The following CCNY variants were observed in gnomAD, a reference collection of about 807,000 sequenced individuals.
CCNY encodes the protein cyclin Y, also known as cyclin-Y.
A neutral mutation model predicts 42.8 loss-of-function variants in CCNY; 19 were observed. The observed-to-expected ratio is 0.44, with a 90% CI of 0.31 to 0.65. CCNY has a LOEUF of 0.65. Among genes scored for constraint, CCNY ranks in the 30% least tolerant of loss-of-function variants. CCNY has a pLI of 0.07. For missense variants in CCNY, 370 were observed against 437.3 expected (o/e 0.85, Z 1.37); for synonymous variants, 165 against 162.7 (o/e 1.01, Z -0.11).
intron 8 of CCNY, among the ~76,000 whole-genome samples, chr10:35,555,603 C>T (rs1201143184): frequency 2.6e-5 from 4 of 152,182 alleles, no homozygotes; most frequent in Non-Finnish European, 5.9e-5. Flanking sequence ...CAGATGGAAA[C>T]GAGGCCCTGA....
intron 1 of CCNY, among the ~76,000 whole-genome samples, chr10:35,338,149 T>C (rs1273643382): frequency 6.6e-6 from 1 of 152,200 alleles, no homozygotes; most frequent in Admixed American, 6.5e-5. Flanking sequence ...ATAGTTAATC[T>C]GGTTGAACTA....
At chr10:35,532,370 A>T (rs574576294) in intron 7 of CCNY, among the ~76,000 whole-genome samples, 2 of 152,210 alleles carry the variant, frequency 1.3e-5, no homozygotes, top group Non-Finnish European at 2.9e-5. Context: ...TCAGCAGGCA[A>T]TGGAGGAGGA....
intron 1 of CCNY, among the ~76,000 whole-genome samples, chr10:35,448,036 C>T (rs1355913188): frequency 6.6e-6 from 1 of 152,188 alleles, no homozygotes; most frequent in Non-Finnish European, 1.5e-5. Flanking sequence ...TCAGCTGGCA[C>T]CAGGTCACTG....
intron 1 of CCNY, among the ~76,000 whole-genome samples, chr10:35,418,665 C>G (rs1414767196): frequency 6.6e-6 from 1 of 151,854 alleles, no homozygotes; most frequent in Non-Finnish European, 1.5e-5. Context: ...ATGTGGGGGA[C>G]AGTGGAGGTA....
At chr10:35,442,847 G>A (rs1214561154) in intron 1 of CCNY, among the ~76,000 whole-genome samples, 2 of 152,152 alleles carry the variant, frequency 1.3e-5, no homozygotes, top group Admixed American at 6.5e-5. Flanking sequence ...AAGTGATTTC[G>A]TCATTGTGTG....
chr10:35,543,517 C>T (rs1380355366), intron 7 of CCNY, among the ~76,000 whole-genome samples: 1 of 152,082 alleles, frequency 6.6e-6, no homozygotes, highest in Admixed American at 6.5e-5. Context: ...AACATCCTAG[C>T]GTATCCTAGG....
At chr10:35,335,644 G>C (rs918526339), upstream of CCNY, among the ~76,000 whole-genome samples, 4 of 152,040 alleles carry the variant, frequency 2.6e-5, no homozygotes, top group African/African-American at 7.2e-5. Flanking sequence ...CTTGAAGACA[G>C]GAGTTCGATA....
At chr10:35,269,266 T>G (rs886567658) in intron 3 of CCNY, among the ~76,000 whole-genome samples, 3 of 131,062 alleles carry the variant, frequency 2.3e-5, no homozygotes, top group Non-Finnish European at 4.8e-5. Flanking sequence ...TGCCAAATAA[T>G]CTACTTCCTT....
intron 3 of CCNY, among the ~76,000 whole-genome samples, chr10:35,291,025 G>T (rs189380176): frequency 6.1e-5 from 9 of 148,018 alleles, no homozygotes; most frequent in Admixed American, 5.4e-4. Flanking sequence ...TTTTTTTTTA[G>T]ATGGAATTTT....
intron 1 of CCNY, among the ~76,000 whole-genome samples, chr10:35,371,212 A>C (rs779759631): frequency 1.3e-5 from 2 of 152,164 alleles, no homozygotes; most frequent in Non-Finnish European, 2.9e-5. Context: ...TACAGAAGCA[A>C]CGTGATACCT....
At chr10:35,501,391 G>A in intron 2 of CCNY, 110 bp from the exon 3 acceptor site, 2 of 834,768 alleles carry the variant, frequency 2.4e-6, no homozygotes, top group Admixed American at 3.5e-5. Context: ...AAGTGGGTAT[G>A]TTGGTTGGTG....
intron 1 of CCNY, among the ~76,000 whole-genome samples, chr10:35,470,629 A>G (rs1839373926): frequency 6.6e-6 from 1 of 152,206 alleles, no homozygotes. Context: ...AGTAGAAAAG[A>G]TGGCTTTAGG....
At chr10:35,329,332 A>G (rs1835914678) in intron 3 of CCNY, among the ~76,000 whole-genome samples, 1 of 152,208 alleles carries the variant, frequency 6.6e-6, no homozygotes, top group Non-Finnish European at 1.5e-5. Flanking sequence ...TGGGTGGATC[A>G]CAAGGTCAGG....
chr10:35,415,464 A>T (rs1354877346), intron 1 of CCNY, among the ~76,000 whole-genome samples: 2 of 151,012 alleles, frequency 1.3e-5, no homozygotes, highest in African/African-American at 4.9e-5. Flanking sequence ...GAAGATGGAA[A>T]CTCTTTCCTG....
intron 3 of CCNY, among the ~76,000 whole-genome samples, chr10:35,502,862 C>G (rs1840138483): frequency 6.6e-6 from 1 of 152,070 alleles, no homozygotes; most frequent in Admixed American, 6.5e-5. Context: ...TGAATGCTTT[C>G]CCACTCATTA....
At chr10:35,312,196 T>C (rs1017991471) in intron 3 of CCNY, among the ~76,000 whole-genome samples, 1 of 151,680 alleles carries the variant, frequency 6.6e-6, no homozygotes, top group Non-Finnish European at 1.5e-5. Context: ...GCTAACACGG[T>C]GAAACCCTGT....
At chr10:35,518,476 G>A (rs1264674432) in intron 4 of CCNY, among the ~76,000 whole-genome samples, 1 of 150,720 alleles carries the variant, frequency 6.6e-6, no homozygotes, top group East Asian at 2.0e-4. Flanking sequence ...ATCTGGCTGA[G>A]GCATACTGTG....
At chr10:35,427,195 A>C (rs1268575910) in intron 1 of CCNY, among the ~76,000 whole-genome samples, 1 of 152,202 alleles carries the variant, frequency 6.6e-6, no homozygotes, top group Non-Finnish European at 1.5e-5. Flanking sequence ...GCTTGGATAG[A>C]GTGAGTTTTG....
At chr10:35,382,914 TATACTC>T (rs1378649546) in intron 1 of CCNY, among the ~76,000 whole-genome samples, 2 of 152,222 alleles carry the variant, frequency 1.3e-5, no homozygotes, top group African/African-American at 4.8e-5. Flanking sequence ...GCTGCTGTGA[TATACTC>T]ATGACCAGTA....
Sources: gnomAD v4.1 joint callset for allele counts (sites outside exome capture counted in the v4.1 genomes callset) on GRCh38, gnomAD v4.1.1 for gene constraint, MANE v1.5 for transcripts, NCBI Gene and HGNC (gene_info 2026-07-23, HGNC 2026-07-21) for gene names.